Variants in ABCA4 observed in about 807,000 individuals in gnomAD.
The protein encoded by ABCA4 is retinal-specific phospholipid-transporting ATPase ABCA4.
ABCA4 carries 196 observed loss-of-function variants against 263.7 expected under a neutral mutation model. The observed-to-expected ratio is 0.74, with a 90% CI of 0.66 to 0.84. ABCA4 has a LOEUF of 0.84. Ranked by LOEUF, ABCA4 falls within the 40% of genes least tolerant of loss-of-function variation. The pLI is 0.00. For synonymous variants in ABCA4, 1,133 were observed against 1,094.2 expected, an observed-to-expected ratio of 1.04 and a Z score of -0.70; for missense variants, 2,792 against 2,855.1, an observed-to-expected ratio of 0.98 and a Z score of 0.50.
chr1:94,086,803 C>T (rs367644760), intron 6 of ABCA4, among the ~76,000 whole-genome samples: 1 of 152,180 alleles, frequency 6.6e-6, no homozygotes, highest in African/African-American at 2.4e-5. Flanking sequence ...TTGGAGAACA[C>T]CCTGCCCCAA....
At chr1:94,083,907 T>C (rs957640663) in intron 6 of ABCA4, among the ~76,000 whole-genome samples, 1 of 152,220 alleles carries the variant, frequency 6.6e-6, no homozygotes, top group Non-Finnish European at 1.5e-5. Context: ...GTTGTGTCTC[T>C]TCCTCCATTC....
intron 11 of ABCA4, among the ~76,000 whole-genome samples, chr1:94,077,100 C>T (rs1470808742): frequency 6.6e-6 from 1 of 152,198 alleles, no homozygotes; most frequent in Non-Finnish European, 1.5e-5. Flanking sequence ...GCAGTTGGCA[C>T]AGTACTTGGC....
At chr1:94,095,498 C>T (rs1291208156) in intron 6 of ABCA4, among the ~76,000 whole-genome samples, 8 of 152,180 alleles carry the variant, frequency 5.3e-5, no homozygotes, top group Admixed American at 5.2e-4. Flanking sequence ...GAACAGAAGG[C>T]CCAGCATTCC....
intron 22 of ABCA4, among the ~76,000 whole-genome samples, 178 bp from the exon 23 acceptor site, chr1:94,041,580 C>T (rs1186738705): frequency 6.6e-6 from 1 of 152,108 alleles, no homozygotes; most frequent in Non-Finnish European, 1.5e-5. Context: ...TAATAACTAA[C>T]ATTTCATAGC....
chr1:94,014,719 T>C (rs372971831), intron 37 of ABCA4, 29 bp from the exon 38 acceptor site: 70 of 1,613,986 alleles, frequency 4.3e-5, no homozygotes, highest in Non-Finnish European at 5.7e-5. Context: ...CTCAGAGTGA[T>C]GGAGTTCCAC....
At chr1:94,038,996 C>A (rs1570368749) in intron 24 of ABCA4, among the ~76,000 whole-genome samples, 1 of 152,168 alleles carries the variant, frequency 6.6e-6, no homozygotes, top group Non-Finnish European at 1.5e-5. Context: ...AATCATTCAG[C>A]CATGCAGGCC....
chr1:94,046,557 A>C (rs1046211338), intron 19 of ABCA4, among the ~76,000 whole-genome samples: 1 of 151,772 alleles, frequency 6.6e-6, no homozygotes, highest in Non-Finnish European at 1.5e-5. Context: ...GATCACCACC[A>C]TGGACTGTTG....
At chr1:94,081,099 C>G (rs1365458197) in intron 7 of ABCA4, among the ~76,000 whole-genome samples, 2 of 152,058 alleles carry the variant, frequency 1.3e-5, no homozygotes, top group African/African-American at 4.8e-5. Context: ...GTGGCGGGCC[C>G]CTGTACTCCC....
chr1:94,060,235 C>G (rs1009576402), intron 14 of ABCA4, among the ~76,000 whole-genome samples: 1 of 152,178 alleles, frequency 6.6e-6, no homozygotes, highest in Admixed American at 6.5e-5. Context: ...ACACTATCAC[C>G]CTGTGCAGGG....
At chr1:94,114,706 C>G (rs1202528910) in intron 1 of ABCA4, among the ~76,000 whole-genome samples, 8 of 152,186 alleles carry the variant, frequency 5.3e-5, no homozygotes, top group Non-Finnish European at 1.2e-4. Context: ...CCAGGATGGT[C>G]TCGATCTCCT....
intron 14 of ABCA4, among the ~76,000 whole-genome samples, chr1:94,058,029 C>T (rs1304613561): frequency 1.3e-5 from 2 of 152,266 alleles, no homozygotes; most frequent in East Asian, 1.9e-4. Context: ...GATGGGCATG[C>T]GAGAGCTGAG....
intron 26 of ABCA4, 51 bp downstream of exon 26, chr1:94,036,689 A>C (rs760887597): frequency 1.8e-5 from 28 of 1,590,254 alleles, no homozygotes; most frequent in Middle Eastern, 1.7e-4. Flanking sequence ...TCGAGATGGA[A>C]CTTGGGAGGG....
In ABCA4 at chr1:94,045,254, G is replaced by A. The variant is rs568183036; in HGVS notation, c.2919-510C>T. Among the ~76,000 whole-genome samples, 18 of 152,038 alleles carry A rather than the reference G, an allele frequency of 1.2e-4. No individual in the cohort carries two copies. In the South Asian group the frequency reaches 3.8e-3, roughly 32 times the overall value. On this transcript the variant is annotated intron_variant, in intron 19 of 49. Coordinates refer to ENST00000370225, the MANE Select transcript of ABCA4 (RefSeq NM_000350.3). The stretch of plus-strand genomic sequence containing the variant: ...GATTAATTGATCGAAGCCAGGCATG[G>A]GAATTACCACCACCAATATTAGCTT...
intron 24 of ABCA4, among the ~76,000 whole-genome samples, chr1:94,038,882 T>C (rs755184572): frequency 6.6e-6 from 1 of 152,152 alleles, no homozygotes; most frequent in Non-Finnish European, 1.5e-5. Flanking sequence ...ATTTTCCCTT[T>C]CTTATTTGGG....
At position 94,011,402 on chromosome 1, in the gene ABCA4, G is replaced by T. The variant is rs1350798981; in HGVS notation, c.5461-17C>A. ...GAGCAGCGTCTGAAACAGAGAAGTA[G>T]GACTGTTGGAAACGGGGCAAACCCC... On this transcript the variant is annotated splice_polypyrimidine_tract_variant and intron_variant, in intron 38 of 49. Transcript: ENST00000370225. 1 of 1,612,506 alleles carries T rather than the reference G, an allele frequency of 6.2e-7. No homozygotes were observed.
intron 6 of ABCA4, among the ~76,000 whole-genome samples, chr1:94,088,432 T>G (rs1430779492): frequency 6.6e-6 from 1 of 152,208 alleles, no homozygotes; most frequent in African/African-American, 2.4e-5. Context: ...TGTTGATGAC[T>G]TCTAAATCTG....
In ABCA4 at chr1:94,056,606, C is replaced by G; in HGVS notation, c.2377G>C (p.Ala793Pro). Reference protein sequence around the residue: ...QDRMTAELKKAVSLLSPVAFG... With the variant: ...QDRMTAELKKPVSLLSPVAFG... ...GGCCAGCCCAAGGGCCTCACCACAGCCTTCTTCAGCTCAGCGGTCATGCGG... is the reference window on the plus strand; with the variant it reads ...GGCCAGCCCAAGGGCCTCACCACAGGCTTCTTCAGCTCAGCGGTCATGCGG... Residue 793 changes from alanine (A) to proline (P), a missense_variant, in exon 15 of 50, where the codon GCT (alanine) becomes CCT (proline). Physicochemically the swap from Ala to Pro is conservative, Grantham distance 27. Transcript: ENST00000370225. The G allele has an allele frequency of 6.2e-7, 1 of 1,612,702 alleles. No homozygotes were observed. The highest frequency in any genetic ancestry group is 8.5e-7 in the Non-Finnish European group (1 of 1,179,974).
intron 5 of ABCA4, among the ~76,000 whole-genome samples, chr1:94,102,154 G>A (rs1353905091): frequency 6.6e-6 from 1 of 152,182 alleles, no homozygotes; most frequent in Non-Finnish European, 1.5e-5. Flanking sequence ...GGAGCTAAGG[G>A]ATGTGCAAGT....
chr1:94,045,204 C>T (rs756598658), intron 19 of ABCA4, among the ~76,000 whole-genome samples: 1 of 152,198 alleles, frequency 6.6e-6, no homozygotes, highest in Non-Finnish European at 1.5e-5. Flanking sequence ...AAGGCCAGAA[C>T]CCTAAGCAGT....
Sources: gnomAD v4.1 joint callset for allele counts (sites outside exome capture counted in the v4.1 genomes callset) on GRCh38, gnomAD v4.1.1 for gene constraint, MANE v1.5 for transcripts, NCBI Gene and HGNC (gene_info 2026-07-23, HGNC 2026-07-21) for gene names.